EPHA6: variants seen among roughly 807,000 people sequenced by gnomAD.
The protein encoded by EPHA6 is EPH receptor A6.
In EPHA6, 50 loss-of-function variants were observed where a neutral mutation model predicts 112.0. That is an observed-to-expected ratio of 0.45 (90% CI 0.36 to 0.56). The LOEUF is 0.56. Among genes scored for constraint, EPHA6 ranks in the 20% least tolerant of loss-of-function variants. The pLI is 0.00. For missense variants in EPHA6, 1,280 were observed against 1,417.4 expected (o/e 0.90, Z 1.56); for synonymous variants, 529 against 490.7 (o/e 1.08, Z -1.03).
At chr3:96,851,115 G>A (rs1338717760) in intron 1 of EPHA6, among the ~76,000 whole-genome samples, 1 of 152,130 alleles carries the variant, frequency 6.6e-6, no homozygotes, top group Non-Finnish European at 1.5e-5. Flanking sequence ...GAAAGGCAGT[G>A]TGTCTGGGGA....
At chr3:96,900,130 C>A (rs375660518) in intron 2 of EPHA6, among the ~76,000 whole-genome samples, 2 of 152,096 alleles carry the variant, frequency 1.3e-5, no homozygotes, top group African/African-American at 2.4e-5. Context: ...ACTTGAGCCT[C>A]CTAGCTATTT....
chr3:97,336,176 C>T (rs2083048498), intron 5 of EPHA6, among the ~76,000 whole-genome samples: 1 of 152,020 alleles, frequency 6.6e-6, no homozygotes, highest in South Asian at 2.1e-4. Flanking sequence ...CAGTCTAGTC[C>T]CCAGGTAGAA....
chr3:97,037,457 C>T (rs991972172), intron 3 of EPHA6, among the ~76,000 whole-genome samples: 3 of 151,874 alleles, frequency 2.0e-5, no homozygotes, highest in African/African-American at 7.3e-5. Flanking sequence ...GTCTTTTAGG[C>T]AGGATATGTT....
At chr3:97,316,290 T>C (rs957718785) in intron 5 of EPHA6, among the ~76,000 whole-genome samples, 1 of 151,726 alleles carries the variant, frequency 6.6e-6, no homozygotes, top group African/African-American at 2.4e-5. Flanking sequence ...AATAATAATA[T>C]TGGCAATTGG....
At chr3:96,913,244 T>C (rs1466543174) in intron 2 of EPHA6, among the ~76,000 whole-genome samples, 2 of 150,792 alleles carry the variant, frequency 1.3e-5, no homozygotes, top group Non-Finnish European at 3.0e-5. Context: ...CACATACCTG[T>C]AGTCCTAACT....
intron 1 of EPHA6, among the ~76,000 whole-genome samples, chr3:96,856,651 C>T (rs558467902): frequency 6.6e-6 from 1 of 152,218 alleles, no homozygotes; most frequent in Admixed American, 6.5e-5. Flanking sequence ...TGTGTTTCTT[C>T]AGTGCTGTTC....
At chr3:96,966,640 T>C (rs891992646) in intron 2 of EPHA6, among the ~76,000 whole-genome samples, 5 of 152,074 alleles carry the variant, frequency 3.3e-5, no homozygotes, top group African/African-American at 1.2e-4. Flanking sequence ...ATTATCACAA[T>C]TATAGGAATT....
intron 14 of EPHA6, among the ~76,000 whole-genome samples, chr3:97,672,455 G>A (rs557756222): frequency 2.2e-3 from 338 of 152,164 alleles, no homozygotes; most frequent in African/African-American, 7.7e-3. Context: ...TGGTGGGAGT[G>A]GGGGGTGGTG....
chr3:97,316,513 T>A (rs1055147859), intron 5 of EPHA6, among the ~76,000 whole-genome samples: 81 of 152,044 alleles, frequency 5.3e-4, no homozygotes, highest in African/African-American at 1.9e-3. Flanking sequence ...TTATTTATTC[T>A]GATGATCCCC....
At chr3:97,297,211 C>T (rs1023884699) in intron 5 of EPHA6, among the ~76,000 whole-genome samples, 3 of 152,196 alleles carry the variant, frequency 2.0e-5, no homozygotes, top group Non-Finnish European at 2.9e-5. Context: ...GGAGCCACTC[C>T]TGGCTCCCAG....
At chr3:97,016,960 A>G (rs1465889839) in intron 3 of EPHA6, among the ~76,000 whole-genome samples, 1 of 152,194 alleles carries the variant, frequency 6.6e-6, no homozygotes, top group Non-Finnish European at 1.5e-5. Flanking sequence ...TTGTTTATCC[A>G]TTCATTTGCT....
chr3:97,703,909 A>T (rs1276664889), intron 14 of EPHA6, among the ~76,000 whole-genome samples: 1 of 152,194 alleles, frequency 6.6e-6, no homozygotes, highest in East Asian at 1.9e-4. Flanking sequence ...TTTCTTTCTC[A>T]TTCCCAGTAC....
chr3:97,572,460 C>T (rs543142653), intron 11 of EPHA6, among the ~76,000 whole-genome samples: 1 of 152,018 alleles, frequency 6.6e-6, no homozygotes, highest in South Asian at 2.1e-4. Context: ...AAACACTGAT[C>T]TCTTAGTTAC....
chr3:96,967,937 A>G (rs1048415046), intron 2 of EPHA6, among the ~76,000 whole-genome samples: 52 of 151,702 alleles, frequency 3.4e-4, no homozygotes, highest in Admixed American at 4.6e-4. Flanking sequence ...TTTAGCAATT[A>G]TTGTTTGACA....
intron 3 of EPHA6, among the ~76,000 whole-genome samples, chr3:97,004,228 C>T (rs1469763767): frequency 6.6e-6 from 1 of 152,104 alleles, no homozygotes; most frequent in Non-Finnish European, 1.5e-5. Flanking sequence ...ATATGTCTTC[C>T]ATAATGGTTG....
chr3:97,249,082 C>T (rs1009291033), intron 5 of EPHA6, among the ~76,000 whole-genome samples: 25 of 150,954 alleles, frequency 1.7e-4, no homozygotes, highest in Non-Finnish European at 5.9e-5. Context: ...TAAATACTTA[C>T]TAAATATACA....
intron 1 of EPHA6, among the ~76,000 whole-genome samples, chr3:96,863,231 G>A (rs2036110019): frequency 6.6e-6 from 1 of 151,726 alleles, no homozygotes; most frequent in Non-Finnish European, 1.5e-5. Context: ...CTTTTTTACT[G>A]ATGTTAATGC....
intron 2 of EPHA6, among the ~76,000 whole-genome samples, chr3:96,869,392 TGAA>T (rs986280510): frequency 6.8e-6 from 1 of 146,454 alleles, no homozygotes; most frequent in East Asian, 2.0e-4. Context: ...AAAAAAAACG[TGAA>T]GGAATTGGCC....
intron 3 of EPHA6, among the ~76,000 whole-genome samples, chr3:97,096,269 A>T (rs991585000): frequency 7.1e-6 from 1 of 140,878 alleles, no homozygotes; most frequent in Non-Finnish European, 1.5e-5. Context: ...ACACACACAT[A>T]CACACCCACA....
Sources: allele counts gnomAD v4.1 joint callset (sites outside exome capture counted in the v4.1 genomes callset), GRCh38; gene constraint gnomAD v4.1.1; transcripts MANE v1.5; gene names NCBI Gene and HGNC (gene_info 2026-07-23, HGNC 2026-07-21).